APIP: variants seen among roughly 807,000 people sequenced by gnomAD.
APIP encodes the protein methylthioribulose-1-phosphate dehydratase.
A neutral mutation model predicts 32.0 loss-of-function variants in APIP; 32 were observed. The ratio of observed to expected loss-of-function variants is 1.00; its 90% CI spans 0.76 to 1.34. APIP has a LOEUF of 1.34. Among genes scored for constraint, APIP ranks in the 40% most tolerant of loss-of-function variants. The pLI is 0.00. For synonymous variants in APIP, 92 were observed against 94.8 expected, an observed-to-expected ratio of 0.97 and a Z score of 0.17; for missense variants, 247 against 298.6, an observed-to-expected ratio of 0.83 and a Z score of 1.27.
intron 1 of APIP, 190 bp downstream of exon 1, chr11:34,916,038 T>A: frequency 1.4e-6 from 1 of 703,916 alleles, no homozygotes; most frequent in East Asian, 2.9e-5. Context: ...AGACCACTGA[T>A]CTCCTGGGGC....
At chr11:34,916,097 G>A (rs890108854) in intron 1 of APIP, 131 bp downstream of exon 1, 6 of 1,230,688 alleles carry the variant, frequency 4.9e-6, no homozygotes, top group African/African-American at 1.6e-5. Flanking sequence ...CCGGGGTAGC[G>A]AACGGCCAGG....
At chr11:34,899,992 C>T (rs897069095) in intron 1 of APIP, among the ~76,000 whole-genome samples, 3 of 152,172 alleles carry the variant, frequency 2.0e-5, no homozygotes, top group African/African-American at 7.2e-5. Context: ...AACCCTGAGA[C>T]TTTGAAGAAA....
intron 1 of APIP, among the ~76,000 whole-genome samples, chr11:34,914,275 G>A (rs1327852004): frequency 1.3e-5 from 2 of 152,140 alleles, no homozygotes; most frequent in African/African-American, 4.8e-5. Context: ...TGTTCTAGGG[G>A]AGAAGGAACC....
chr11:34,897,166 T>A (rs899090418), intron 1 of APIP, among the ~76,000 whole-genome samples: 1 of 152,228 alleles, frequency 6.6e-6, no homozygotes, highest in Non-Finnish European at 1.5e-5. Context: ...CTTACTCATT[T>A]TAAGTATTAC....
intron 1 of APIP, among the ~76,000 whole-genome samples, chr11:34,900,730 G>C (rs1048320015): frequency 6.6e-6 from 1 of 152,032 alleles, no homozygotes; most frequent in African/African-American, 2.4e-5. Context: ...ATTCCTACTA[G>C]GAAAGGAAGC....
chr11:34,909,674 G>C (rs1372234941), intron 1 of APIP, among the ~76,000 whole-genome samples: 1 of 152,166 alleles, frequency 6.6e-6, no homozygotes, highest in East Asian at 1.9e-4. Flanking sequence ...AGGAAGTGCT[G>C]AGGGTGGCGG....
At chr11:34,889,384 C>T (rs1853147205) in intron 3 of APIP, among the ~76,000 whole-genome samples, 1 of 151,864 alleles carries the variant, frequency 6.6e-6, no homozygotes, top group Admixed American at 6.6e-5. Flanking sequence ...TTTTTCTAAC[C>T]CTTGAGAAAT....
chr11:34,915,537 G>A (rs1245895482), intron 1 of APIP, among the ~76,000 whole-genome samples: 2 of 152,124 alleles, frequency 1.3e-5, no homozygotes, highest in African/African-American at 4.8e-5. Context: ...CTGCTTATTC[G>A]TCTAGTTCTC....
At chr11:34,910,313 C>G (rs920351957) in intron 1 of APIP, among the ~76,000 whole-genome samples, 1 of 152,162 alleles carries the variant, frequency 6.6e-6, no homozygotes, top group Non-Finnish European at 1.5e-5. Context: ...GAAGCAAGAT[C>G]GCAGTGAGCT....
intron 2 of APIP, among the ~76,000 whole-genome samples, chr11:34,892,071 T>G (rs1319639843): frequency 6.6e-6 from 1 of 152,184 alleles, no homozygotes; most frequent in Admixed American, 6.5e-5. Flanking sequence ...TTCAAGTGAC[T>G]TGGTATGTTG....
At chr11:34,908,892 A>G (rs1455295758) in intron 1 of APIP, among the ~76,000 whole-genome samples, 2 of 152,226 alleles carry the variant, frequency 1.3e-5, no homozygotes, top group Non-Finnish European at 1.5e-5. Context: ...AGGGTCTTCT[A>G]TGCTATGCAC....
At chr11:34,895,398 A>G (rs993373282) in intron 1 of APIP, among the ~76,000 whole-genome samples, 20 of 152,356 alleles carry the variant, frequency 1.3e-4, no homozygotes, top group African/African-American at 4.8e-4. Context: ...TACATTACAA[A>G]GCATCAACTG....
intron 2 of APIP, among the ~76,000 whole-genome samples, chr11:34,892,876 T>C (rs939951388): frequency 3.9e-5 from 6 of 152,176 alleles, no homozygotes; most frequent in Non-Finnish European, 7.4e-5. Flanking sequence ...AACATGAGAA[T>C]AGTATTGCTG....
In APIP at chr11:34,882,643, T is replaced by TA. The variant is rs1298627178; in HGVS notation, c.*73dup. On this transcript the variant is annotated 3_prime_UTR_variant, in exon 7 of 7. Coordinates refer to ENST00000395787, the MANE Select transcript of APIP (RefSeq NM_015957.4). ...GCATCATGAAAAATTTCAATTCATTTAAAAAAATAGCTTTCATTTAAATAA... is the reference window on the plus strand; with the variant it reads ...GCATCATGAAAAATTTCAATTCATTTAAAAAAAATAGCTTTCATTTAAATAA... The TA allele has an allele frequency of 4.2e-6, 5 of 1,203,452 alleles. No individual in the cohort carries two copies. Among genetic ancestry groups the TA allele is most frequent in the East Asian group, 5.1e-5 (2 of 39,354 alleles). The allele number at this position is 1,203,452 out of a possible 1,614,324, so 74.5% of individuals were successfully genotyped here.
chr11:34,887,749 T>C (rs944896981), intron 5 of APIP, among the ~76,000 whole-genome samples: 3 of 152,178 alleles, frequency 2.0e-5, no homozygotes, highest in Non-Finnish European at 4.4e-5. Flanking sequence ...GAAGAATTAC[T>C]ACACTTTTGT....
At chr11:34,911,070 C>T (rs1458665683) in intron 1 of APIP, among the ~76,000 whole-genome samples, 1 of 152,126 alleles carries the variant, frequency 6.6e-6, no homozygotes, top group Admixed American at 6.5e-5. Flanking sequence ...CAGAGGCCAG[C>T]TGCAGTAAGA....
At chr11:34,912,373 G>A (rs1475962493) in intron 1 of APIP, among the ~76,000 whole-genome samples, 1 of 152,174 alleles carries the variant, frequency 6.6e-6, no homozygotes, top group Non-Finnish European at 1.5e-5. Context: ...GGTCTTGAGA[G>A]CGAAGGTTTT....
At position 34,916,272 on chromosome 11, in the gene APIP, C is replaced by A. The variant is rs1174008271; in HGVS notation, c.13G>T (p.Asp5Tyr). The change falls in exon 1 of 7, where the codon GAT becomes TAT. Residue 5 changes from aspartate (D) to tyrosine (Y), a missense_variant. Asp to Tyr is a radical substitution (Grantham distance 160). Transcript: ENST00000395787. The part of the protein sequence containing the change: MSGC[D>Y]AREGDCCSRR... ...GAACAACAGTCTCCCTCCCGAGCAT[C>A]ACAGCCAGACATGGCCCAGACCAGG... 4 of 1,612,506 alleles carry A rather than the reference C, an allele frequency of 2.5e-6. No homozygotes were observed. The highest frequency in any genetic ancestry group is 3.4e-6 in the Non-Finnish European group (4 of 1,179,506).
At chr11:34,910,922 A>G (rs72930458) in intron 1 of APIP, among the ~76,000 whole-genome samples, 2 of 152,152 alleles carry the variant, frequency 1.3e-5, no homozygotes, top group East Asian at 3.9e-4. Context: ...AATAGCTTTC[A>G]GTTTCTTTGT....
Sources: gnomAD v4.1 joint callset for allele counts (sites outside exome capture counted in the v4.1 genomes callset) on GRCh38, gnomAD v4.1.1 for gene constraint, MANE v1.5 for transcripts, NCBI Gene and HGNC (gene_info 2026-07-23, HGNC 2026-07-21) for gene names.